KLF12: variants seen among roughly 807,000 people sequenced by gnomAD.
KLF12 encodes Krueppel-like factor 12.
KLF12 carries 9 observed loss-of-function variants against 37.8 expected under a neutral mutation model. The ratio of observed to expected loss-of-function variants is 0.24; its 90% CI spans 0.14 to 0.42. KLF12 has a LOEUF of 0.42. Among genes scored for constraint, KLF12 ranks in the 10% least tolerant of loss-of-function variants. The pLI, the probability that KLF12 is intolerant of heterozygous loss-of-function variation, is 1.00. For synonymous variants in KLF12, 208 were observed against 202.1 expected, an observed-to-expected ratio of 1.03 and a Z score of -0.25; for missense variants, 411 against 516.0, an observed-to-expected ratio of 0.80 and a Z score of 1.97.
chr13:73,848,599 A>C (rs1305676864), intron 3 of KLF12, among the ~76,000 whole-genome samples: 1 of 148,422 alleles, frequency 6.7e-6, no homozygotes, highest in Non-Finnish European at 1.5e-5. Context: ...TATATAATAC[A>C]TATAGCATAT....
chr13:73,700,583 A>T (rs7982643), intron 7 of KLF12, among the ~76,000 whole-genome samples: 89,314 of 150,850 alleles, frequency 0.59, 27,458 homozygotes, highest in East Asian at 0.72. Context: ...CACCATGCTT[A>T]AAAAAAAAAG....
At chr13:73,931,248 G>T (rs931904447) in intron 3 of KLF12, among the ~76,000 whole-genome samples, 1 of 152,098 alleles carries the variant, frequency 6.6e-6, no homozygotes, top group Non-Finnish European at 1.5e-5. Context: ...GTTACTTTTT[G>T]ATTACTTGAC....
chr13:74,277,388 C>T, the KLF12 span, among the ~76,000 whole-genome samples: 2 of 152,166 alleles, frequency 1.3e-5, no homozygotes, highest in African/African-American at 4.8e-5. Flanking sequence ...CTCCCTCATT[C>T]AGACACTTGT....
intron 6 of KLF12, among the ~76,000 whole-genome samples, chr13:73,753,526 G>C (rs1663037123): frequency 1.3e-5 from 2 of 152,086 alleles, no homozygotes; most frequent in African/African-American, 4.8e-5. Flanking sequence ...TAAGAAGTGG[G>C]GGCCGCATTT....
At chr13:73,699,838 G>C (rs1380512802) in intron 7 of KLF12, among the ~76,000 whole-genome samples, 1 of 152,192 alleles carries the variant, frequency 6.6e-6, no homozygotes, top group Non-Finnish European at 1.5e-5. Context: ...CATAAATGTA[G>C]AGTGGGGAAA....
the KLF12 span, among the ~76,000 whole-genome samples, chr13:74,300,447 A>G: frequency 6.6e-6 from 1 of 152,178 alleles, no homozygotes; most frequent in Non-Finnish European, 1.5e-5. Flanking sequence ...AGCAAGAATC[A>G]AGGACAAAGC....
At position 73,926,632 on chromosome 13, in the gene KLF12, T is replaced by C. The variant is rs553099093; in HGVS notation, c.123+17349A>G. Among the ~76,000 whole-genome samples the C allele has an allele frequency of 7.8e-3, 142 of 18,118 alleles. 4 individuals are homozygous for C. Among genetic ancestry groups the C allele is most frequent in the Admixed American group, 0.01 (8 of 782 alleles). 11.9% of individuals were successfully genotyped at this position (18,118 alleles called of 152,430 possible). ...CAATGCTCCTTTTCTCTCTCTCTCT[T>C]TTTTTTTTTTTTAACATAAATAAAG... On this transcript the variant is annotated intron_variant, in intron 3 of 7. Coordinates refer to ENST00000377669, the MANE Select transcript of KLF12 (RefSeq NM_007249.5).
intron 1 of KLF12, among the ~76,000 whole-genome samples, chr13:74,083,779 G>T (rs57331586): frequency 0.19 from 29,360 of 152,102 alleles, 3,000 homozygotes; most frequent in African/African-American, 0.27. Context: ...GATATTAAAA[G>T]GTAATGAAGT....
chr13:74,036,243 A>G (rs761922180), intron 1 of KLF12, among the ~76,000 whole-genome samples: 1 of 152,092 alleles, frequency 6.6e-6, no homozygotes, highest in Non-Finnish European at 1.5e-5. Flanking sequence ...TTGCTGGTAA[A>G]TCTCCTTTTC....
chr13:74,110,963 A>T (rs144442808), intron 1 of KLF12, among the ~76,000 whole-genome samples: 1,989 of 151,864 alleles, frequency 0.013, 42 homozygotes, highest in African/African-American at 0.045. Flanking sequence ...GACCAGCCTG[A>T]CCAACATGGT....
chr13:73,877,579 G>C (rs1430713091), intron 3 of KLF12, among the ~76,000 whole-genome samples: 1 of 152,100 alleles, frequency 6.6e-6, no homozygotes, highest in Non-Finnish European at 1.5e-5. Context: ...TTGTCTTCTA[G>C]CTGCCACTGT....
chr13:74,202,443 C>G, the KLF12 span, among the ~76,000 whole-genome samples: 1 of 152,146 alleles, frequency 6.6e-6, no homozygotes, highest in Admixed American at 6.6e-5. Flanking sequence ...TGCAGAGCTG[C>G]TCTTGACACT....
intron 3 of KLF12, among the ~76,000 whole-genome samples, chr13:73,936,456 A>G (rs140639195): frequency 1.3e-3 from 201 of 152,134 alleles, no homozygotes; most frequent in African/African-American, 4.5e-3. Flanking sequence ...TGTTCAACCT[A>G]CTGCTGTATG....
chr13:74,183,093 T>G, the KLF12 span, among the ~76,000 whole-genome samples: 38 of 152,208 alleles, frequency 2.5e-4, 1 homozygote, highest in Non-Finnish European at 7.3e-5. Context: ...TATCCTTTTG[T>G]GCCTACCATA....
Position 73,746,518 on chromosome 13 carries a change from T to C in KLF12, c.869+18420A>G, listed in dbSNP as rs565469516. Among the ~76,000 whole-genome samples, 3 of 152,276 alleles carry C rather than the reference T, an allele frequency of 2.0e-5. No individual in the cohort carries two copies. In the South Asian group the frequency reaches 6.2e-4, roughly 32 times the overall value. On this transcript the variant is annotated intron_variant, in intron 6 of 7. Transcript: ENST00000377669. ...ATATTTATATTTACATATGCCGTTA[T>C]ATTCTCCTTTAGATACCTTTATATT...
At chr13:74,285,631 C>G in the KLF12 span, among the ~76,000 whole-genome samples, 1 of 152,206 alleles carries the variant, frequency 6.6e-6, no homozygotes, top group Non-Finnish European at 1.5e-5. Context: ...TCTTCCCCAT[C>G]TGTAGTTACC....
At chr13:74,028,735 A>G (rs1407593258) in intron 1 of KLF12, among the ~76,000 whole-genome samples, 9 of 152,034 alleles carry the variant, frequency 5.9e-5, no homozygotes, top group Non-Finnish European at 1.3e-4. Flanking sequence ...TTTATAATGC[A>G]TCTAGGTGCA....
chr13:74,159,179 A>C, the KLF12 span, among the ~76,000 whole-genome samples: 1 of 152,216 alleles, frequency 6.6e-6, no homozygotes, highest in African/African-American at 2.4e-5. Flanking sequence ...AGTTCACTGG[A>C]GATCCCTGTG....
the KLF12 span, among the ~76,000 whole-genome samples, chr13:74,173,423 T>C: frequency 1.3e-5 from 2 of 152,230 alleles, no homozygotes; most frequent in African/African-American, 4.8e-5. Flanking sequence ...TGTAGCCATC[T>C]AGACTGAATT....
Sources: allele counts gnomAD v4.1 joint callset (sites outside exome capture counted in the v4.1 genomes callset), GRCh38; gene constraint gnomAD v4.1.1; transcripts MANE v1.5; gene names NCBI Gene and HGNC (gene_info 2026-07-23, HGNC 2026-07-21).